PACRG: variants seen among roughly 807,000 people sequenced by gnomAD.
PACRG encodes parkin coregulated.
A neutral mutation model predicts 29.7 loss-of-function variants in PACRG; 29 were observed. The ratio of observed to expected loss-of-function variants is 0.98; its 90% CI spans 0.73 to 1.33. The LOEUF is 1.33. Among genes scored for constraint, PACRG ranks in the 40% most tolerant of loss-of-function variants. The probability of loss-of-function intolerance (pLI) is 0.00; values close to 1 mark genes in which losing one functional copy is unlikely to be tolerated. For synonymous variants in PACRG, 116 were observed against 118.7 expected, an observed-to-expected ratio of 0.98 and a Z score of 0.15; for missense variants, 279 against 316.2, an observed-to-expected ratio of 0.88 and a Z score of 0.89.
intron 1 of PACRG, among the ~76,000 whole-genome samples, chr6:162,808,333 A>G (rs1786542108): frequency 6.6e-6 from 1 of 152,218 alleles, no homozygotes; most frequent in Non-Finnish European, 1.5e-5. Context: ...ACAAGTAATC[A>G]ATATCTTTGC....
At chr6:163,288,181 C>CT (rs889559946) in intron 4 of PACRG, among the ~76,000 whole-genome samples, 2 of 152,190 alleles carry the variant, frequency 1.3e-5, no homozygotes, top group Non-Finnish European at 2.9e-5. Flanking sequence ...ATGCCAAGCA[C>CT]TAATGGTGTT....
At chr6:162,948,235 A>T (rs945774478) in intron 2 of PACRG, among the ~76,000 whole-genome samples, 22 of 152,266 alleles carry the variant, frequency 1.4e-4, no homozygotes, top group South Asian at 8.3e-4. Context: ...TGCAGAAATA[A>T]ATCTATGTGT....
intron 4 of PACRG, among the ~76,000 whole-genome samples, chr6:163,096,301 A>G (rs1198199979): frequency 6.6e-6 from 1 of 152,168 alleles, no homozygotes; most frequent in African/African-American, 2.4e-5. Context: ...GGCCACGGTG[A>G]GGCTGGTTCA....
At chr6:163,175,834 A>T (rs1300299693) in intron 4 of PACRG, among the ~76,000 whole-genome samples, 2 of 152,008 alleles carry the variant, frequency 1.3e-5, no homozygotes, top group Non-Finnish European at 2.9e-5. Context: ...TTTTTAACTC[A>T]TAACCCAAGC....
intron 2 of PACRG, among the ~76,000 whole-genome samples, chr6:162,948,271 G>C (rs967618854): frequency 6.6e-6 from 1 of 152,016 alleles, no homozygotes. Flanking sequence ...TTTTGACATA[G>C]GTGCCAACAA....
rs181996400 is a variant in PACRG at position 163,304,383 on chromosome 6, C to G, written c.614-10444C>G. 5.1e-4 allele frequency among the ~76,000 whole-genome samples: 77 copies of G among 152,256 alleles called. 1 individual carries two copies. Among genetic ancestry groups the G allele is most frequent in the African/African-American group, 1.8e-3 (75 of 41,536 alleles). ...TGGATCCAGTAAACCCACAAGGTAG[C>G]AATTTACTTATACTTTCATTCATTC... On this transcript the variant is annotated intron_variant, in intron 4 of 4. Coordinates refer to ENST00000366888, the MANE Select transcript of PACRG (RefSeq NM_001080379.2).
At chr6:162,968,429 T>C (rs1384875458) in intron 2 of PACRG, among the ~76,000 whole-genome samples, 1 of 152,228 alleles carries the variant, frequency 6.6e-6, no homozygotes, top group Non-Finnish European at 1.5e-5. Flanking sequence ...TGAGAGTTAA[T>C]GAGACATTTG....
At chr6:163,235,682 T>A (rs1782208028) in intron 4 of PACRG, among the ~76,000 whole-genome samples, 2 of 152,212 alleles carry the variant, frequency 1.3e-5, no homozygotes, top group Non-Finnish European at 2.9e-5. Context: ...TCTTATACAT[T>A]TCTCTCTGGA....
chr6:163,066,874 G>A (rs915699938), intron 3 of PACRG, among the ~76,000 whole-genome samples: 6 of 152,224 alleles, frequency 3.9e-5, no homozygotes, highest in African/African-American at 1.2e-4. Flanking sequence ...AAATTTAATT[G>A]TAAAGAGTTT....
At chr6:163,165,899 A>G (rs1778782084) in intron 4 of PACRG, 2 of 357,464 alleles carry the variant, frequency 5.6e-6, no homozygotes, top group African/African-American at 2.1e-5. Context: ...AAAGGGCTTC[A>G]TTGCATCTAA....
chr6:163,054,446 CAT>C (rs1053848939), intron 2 of PACRG, among the ~76,000 whole-genome samples: 3 of 152,178 alleles, frequency 2.0e-5, no homozygotes, highest in Admixed American at 6.5e-5. Flanking sequence ...TGGGAAAATA[CAT>C]GTGTGTTTTT....
In PACRG at chr6:163,083,329, G is replaced by C. The variant is rs564701288; in HGVS notation, c.464-5930G>C. ...ACTCAAAAGAATGTTAACTGTTTGTGTATCACCTCTCTGTGACCTGGAAGC... is the reference window on the plus strand; with the variant it reads ...ACTCAAAAGAATGTTAACTGTTTGTCTATCACCTCTCTGTGACCTGGAAGC... On this transcript the variant is annotated intron_variant, in intron 3 of 4. Coordinates refer to ENST00000366888, the MANE Select transcript of PACRG (RefSeq NM_001080379.2). Among the ~76,000 whole-genome samples the C allele has an allele frequency of 2.6e-5, 4 of 152,262 alleles. No individual in the cohort carries two copies. The South Asian group carries it at 8.3e-4, about 32-fold the overall frequency.
chr6:162,879,083 C>T (rs1269347598), intron 2 of PACRG, among the ~76,000 whole-genome samples: 1 of 152,094 alleles, frequency 6.6e-6, no homozygotes, highest in African/African-American at 2.4e-5. Flanking sequence ...CTTTAAAAAG[C>T]TTCTCAGTTT....
intron 4 of PACRG, among the ~76,000 whole-genome samples, chr6:163,207,138 G>T (rs13197837): frequency 1.3e-5 from 2 of 151,836 alleles, no homozygotes; most frequent in South Asian, 2.1e-4. Context: ...TAAATGAAAT[G>T]ATTTCAGTCG....
chr6:162,966,117 G>C (rs1010847424), intron 2 of PACRG, among the ~76,000 whole-genome samples: 1 of 152,202 alleles, frequency 6.6e-6, no homozygotes, highest in Non-Finnish European at 1.5e-5. Flanking sequence ...ACGAATAAAT[G>C]CTTGCCTGGA....
chr6:163,211,307 T>A (rs1781129991), intron 4 of PACRG, among the ~76,000 whole-genome samples: 1 of 152,240 alleles, frequency 6.6e-6, no homozygotes, highest in Admixed American at 6.5e-5. Flanking sequence ...ATGAAAACAT[T>A]AACACTTGGT....
intron 4 of PACRG, among the ~76,000 whole-genome samples, chr6:163,271,697 T>C (rs1783838051): frequency 6.6e-6 from 1 of 152,238 alleles, no homozygotes; most frequent in Non-Finnish European, 1.5e-5. Flanking sequence ...TGTCTGGTAG[T>C]TCTTATCCAC....
chr6:162,987,104 A>C (rs545681934), intron 2 of PACRG, among the ~76,000 whole-genome samples: 7 of 152,156 alleles, frequency 4.6e-5, no homozygotes, highest in African/African-American at 1.7e-4. Context: ...GTTTTGTCAT[A>C]TTACCAGAAT....
chr6:163,131,968 G>C (rs1816758702), intron 4 of PACRG, among the ~76,000 whole-genome samples: 1 of 152,058 alleles, frequency 6.6e-6, no homozygotes, highest in Non-Finnish European at 1.5e-5. Flanking sequence ...AAGTAACATG[G>C]CTCATCTTCA....
Sources: allele counts gnomAD v4.1 joint callset (sites outside exome capture counted in the v4.1 genomes callset), GRCh38; gene constraint gnomAD v4.1.1; transcripts MANE v1.5; gene names NCBI Gene and HGNC (gene_info 2026-07-23, HGNC 2026-07-21).